TMEM232: variants seen among roughly 807,000 people sequenced by gnomAD.
The protein encoded by TMEM232 is transmembrane protein 232.
TMEM232 carries 80 observed loss-of-function variants against 78.8 expected under a neutral mutation model. The ratio of observed to expected loss-of-function variants is 1.01; its 90% CI spans 0.85 to 1.22. TMEM232 has a LOEUF of 1.22. Ranked by LOEUF, TMEM232 falls within the 50% of genes most tolerant of loss-of-function variation. TMEM232 has a pLI of 0.00. For missense variants in TMEM232, 881 were observed against 742.2 expected (o/e 1.19, Z -2.17); for synonymous variants, 297 against 254.3 (o/e 1.17, Z -1.60).
At chr5:110,714,158 A>C (rs184388281) in intron 1 of TMEM232, among the ~76,000 whole-genome samples, 13 of 152,122 alleles carry the variant, frequency 8.5e-5, no homozygotes, top group Non-Finnish European at 1.9e-4. Context: ...GTTAACTGAG[A>C]GTATAATTTG....
chr5:110,485,779 C>T (rs888579610), intron 12 of TMEM232, among the ~76,000 whole-genome samples: 4 of 151,922 alleles, frequency 2.6e-5, no homozygotes, highest in Non-Finnish European at 4.4e-5. Flanking sequence ...TATAAATATG[C>T]GTGTGCAAGT....
intron 1 of TMEM232, among the ~76,000 whole-genome samples, chr5:110,684,146 C>T (rs1793100373): frequency 6.6e-6 from 1 of 151,644 alleles, no homozygotes; most frequent in Non-Finnish European, 1.5e-5. Context: ...TCTTAAAAGC[C>T]AGAAACCATA....
At chr5:110,401,374 TATAAG>T (rs1347332730) in intron 2 of TMEM232, among the ~76,000 whole-genome samples, 1 of 151,914 alleles carries the variant, frequency 6.6e-6, no homozygotes, top group African/African-American at 2.4e-5. Flanking sequence ...CGTTTCTACA[TATAAG>T]AGGTGACTGG....
chr5:110,633,896 T>C (rs1477952544), intron 5 of TMEM232, among the ~76,000 whole-genome samples: 1 of 152,160 alleles, frequency 6.6e-6, no homozygotes, highest in East Asian at 1.9e-4. Flanking sequence ...TTAAAAGATA[T>C]AGACTGGTTT....
rs181143838 is a variant in TMEM232, at chr5:110,433,630, G to A, written c.1704-8714C>T. ...TTTCTGTTTAGGATTTATGTTTTAGGTTTTGAAGGATGTTCCTTTGATGCT... is the reference window on the plus strand; with the variant it reads ...TTTCTGTTTAGGATTTATGTTTTAGATTTTGAAGGATGTTCCTTTGATGCT... On this transcript the variant is annotated intron_variant, in intron 12 of 13. Transcript: ENST00000455884. Among the ~76,000 whole-genome samples, 100 of 152,064 alleles carry A rather than the reference G, an allele frequency of 6.6e-4. 1 individual carries two copies. The highest frequency in any genetic ancestry group is 2.3e-3 in the African/African-American group (96 of 41,518).
At chr5:110,657,919 GA>G (rs1281913905) in intron 2 of TMEM232, among the ~76,000 whole-genome samples, 1 of 151,838 alleles carries the variant, frequency 6.6e-6, no homozygotes, top group African/African-American at 2.4e-5. Flanking sequence ...CTATGAAAAG[GA>G]AAAAAATGAA....
chr5:110,539,902 T>C (rs532176154), intron 11 of TMEM232, among the ~76,000 whole-genome samples: 5 of 152,248 alleles, frequency 3.3e-5, no homozygotes, highest in Admixed American at 2.0e-4. Flanking sequence ...AAGCCATATG[T>C]GGTTTGGGAC....
intron 12 of TMEM232, among the ~76,000 whole-genome samples, chr5:110,460,935 G>C (rs550338506): frequency 6.6e-6 from 1 of 151,974 alleles, no homozygotes; most frequent in Non-Finnish European, 1.5e-5. Context: ...TACGTGTTCT[G>C]ACTGCTCAAC....
At chr5:110,390,719 T>C (rs911828072) in intron 3 of TMEM232, 2 of 152,224 alleles carry the variant, frequency 1.3e-5, no homozygotes, top group Non-Finnish European at 2.9e-5. Context: ...CAAACTTACC[T>C]ACTCTGTTGG....
rs553332967 is a variant in TMEM232, at chr5:110,735,692, T to A, written c.-125-677A>T. Among the ~76,000 whole-genome samples, 8 of 152,326 alleles carry A rather than the reference T, an allele frequency of 5.3e-5. No individual in the cohort carries two copies. The South Asian group carries it at 1.2e-3, about 24-fold the overall frequency. ...ACATGGCAGAAGTGATGAGGTGTAA[T>A]TAGGTCATAAACGACATTGTGTTTC... On this transcript the variant is annotated intron_variant, in intron 1 of 4. Coordinates refer to the TMEM232 transcript ENST00000512886.
At chr5:110,558,338 G>A (rs932720193) in intron 11 of TMEM232, among the ~76,000 whole-genome samples, 2 of 152,152 alleles carry the variant, frequency 1.3e-5, no homozygotes, top group African/African-American at 4.8e-5. Context: ...ATGGTTGTGT[G>A]ACAGTGCGCA....
chr5:110,432,323 C>G (rs750059494), intron 12 of TMEM232, among the ~76,000 whole-genome samples: 11 of 151,612 alleles, frequency 7.3e-5, no homozygotes. Context: ...TATTGGGGGC[C>G]CACATTTAGC....
chr5:110,628,029 T>G (rs1784637169), intron 5 of TMEM232, 149 bp from the exon 6 acceptor site: 1 of 654,850 alleles, frequency 1.5e-6, no homozygotes, highest in Non-Finnish European at 2.6e-6. Context: ...TAAATAACAT[T>G]AAAACATTTA....
chr5:110,458,576 A>G (rs1480182965), intron 12 of TMEM232, among the ~76,000 whole-genome samples: 1 of 152,148 alleles, frequency 6.6e-6, no homozygotes, highest in Non-Finnish European at 1.5e-5. Context: ...GCTATAATCT[A>G]GGGTGCATTT....
intron 1 of TMEM232, among the ~76,000 whole-genome samples, chr5:110,719,591 T>C (rs1797382175): frequency 6.6e-6 from 1 of 152,108 alleles, no homozygotes; most frequent in African/African-American, 2.4e-5. Flanking sequence ...TTGTAGCAAT[T>C]CTGGGTACAG....
chr5:110,660,484 A>T (rs1427931872), intron 2 of TMEM232, among the ~76,000 whole-genome samples: 2 of 152,144 alleles, frequency 1.3e-5, no homozygotes, highest in African/African-American at 4.8e-5. Flanking sequence ...AGGAGGCCTA[A>T]GAAGAAAGAA....
chr5:110,583,894 A>G (rs1006922908), intron 10 of TMEM232, among the ~76,000 whole-genome samples: 1 of 151,362 alleles, frequency 6.6e-6, no homozygotes, highest in Non-Finnish European at 1.5e-5. Flanking sequence ...GCTCAATATC[A>G]CTAATTATCA....
At chr5:110,666,757 C>G (rs550192506) in intron 2 of TMEM232, 1 of 152,714 alleles carries the variant, frequency 6.5e-6, no homozygotes, top group East Asian at 1.9e-4. Context: ...ACAAGGATAG[C>G]ACAGAAAACA....
chr5:110,624,512 T>C (rs1016295557), intron 7 of TMEM232, among the ~76,000 whole-genome samples: 2 of 152,136 alleles, frequency 1.3e-5, no homozygotes, highest in African/African-American at 4.8e-5. Flanking sequence ...TTTCTGTTGC[T>C]CGATATCTTT....
Sources: gnomAD v4.1 joint callset for allele counts (sites outside exome capture counted in the v4.1 genomes callset) on GRCh38, gnomAD v4.1.1 for gene constraint, MANE v1.5 for transcripts, NCBI Gene and HGNC (gene_info 2026-07-23, HGNC 2026-07-21) for gene names.